ACTG2: variants seen among roughly 807,000 people sequenced by gnomAD.
ACTG2 encodes the protein actin gamma 2, smooth muscle, also known as actin, gamma-enteric smooth muscle.
ACTG2 carries 16 observed loss-of-function variants against 37.6 expected under a neutral mutation model. The ratio of observed to expected loss-of-function variants is 0.43; its 90% CI spans 0.29 to 0.65. The LOEUF (loss-of-function observed/expected upper bound fraction) is 0.65. Ranked by LOEUF, ACTG2 falls within the 30% of genes least tolerant of loss-of-function variation. The pLI, the probability that ACTG2 is intolerant of heterozygous loss-of-function variation, is 0.18. For missense variants in ACTG2, 238 were observed against 490.9 expected (o/e 0.48, Z 4.87); for synonymous variants, 181 against 179.9 (o/e 1.01, Z -0.05).
At chr2:73,917,456 C>T (rs911640127) in intron 8 of ACTG2, among the ~76,000 whole-genome samples, 3 of 152,210 alleles carry the variant, frequency 2.0e-5, no homozygotes, top group African/African-American at 4.8e-5. Flanking sequence ...CCCAACAGGG[C>T]CTCTCGCCTC....
At chr2:73,918,120 C>T (rs1336147047) in intron 8 of ACTG2, among the ~76,000 whole-genome samples, 1 of 152,164 alleles carries the variant, frequency 6.6e-6, no homozygotes, top group Non-Finnish European at 1.5e-5. Context: ...AGGGAAAGGA[C>T]ACTCTAAGCA....
chr2:73,895,688 C>T (rs1041437725), intron 1 of ACTG2, among the ~76,000 whole-genome samples: 1 of 152,180 alleles, frequency 6.6e-6, no homozygotes, highest in Non-Finnish European at 1.5e-5. Context: ...TTTCAATAGT[C>T]ATTGATGTGT....
intron 3 of ACTG2, among the ~76,000 whole-genome samples, chr2:73,903,984 G>A (rs564249186): frequency 1.4e-5 from 2 of 147,842 alleles, no homozygotes; most frequent in East Asian, 3.9e-4. Context: ...CATAATAGAG[G>A]CCAGTGGCTC....
chr2:73,906,671 T>C (rs1471167366), intron 3 of ACTG2, among the ~76,000 whole-genome samples: 1 of 151,840 alleles, frequency 6.6e-6, no homozygotes, highest in African/African-American at 2.4e-5. Context: ...AGAGACAGGG[T>C]CTCACTTTGT....
At chr2:73,915,519 C>CAAA (rs11404848) in intron 7 of ACTG2, among the ~76,000 whole-genome samples, 111 of 117,550 alleles carry the variant, frequency 9.4e-4, no homozygotes, top group Admixed American at 3.5e-3. Context: ...GATTCTGTCT[C>CAAA]AAAAAAAAAA....
intron 8 of ACTG2, among the ~76,000 whole-genome samples, chr2:73,917,328 A>G (rs1680291816): frequency 1.3e-5 from 2 of 152,222 alleles, no homozygotes; most frequent in Non-Finnish European, 2.9e-5. Context: ...AAAGTTCCAA[A>G]GAGTGGATGT....
At chr2:73,913,307 G>A (rs1331906127) in intron 5 of ACTG2, among the ~76,000 whole-genome samples, 178 bp from the exon 6 acceptor site, 1 of 152,096 alleles carries the variant, frequency 6.6e-6, no homozygotes, top group East Asian at 1.9e-4. Context: ...CTCACTGGGG[G>A]GAAAAAAGTG....
intron 1 of ACTG2, among the ~76,000 whole-genome samples, chr2:73,898,947 C>T (rs1679815994): frequency 1.3e-5 from 2 of 151,536 alleles, no homozygotes; most frequent in African/African-American, 2.4e-5. Context: ...GGACTACAGG[C>T]GCCCGCCACC....
At chr2:73,903,058 G>C (rs1573463502) in intron 3 of ACTG2, 1 of 252,000 alleles carries the variant, frequency 4.0e-6, no homozygotes, top group East Asian at 8.1e-5. Flanking sequence ...AAGTTTCTAA[G>C]TAGAACTCTC....
rs757504949 is a variant in ACTG2, at chr2:73,919,569, C to T, written c.1125C>T (p.Cys375=). The T allele has an allele frequency of 6.2e-6, 10 of 1,613,898 alleles. No individual in the cohort carries two copies. The highest frequency in any genetic ancestry group is 8.5e-6 in the Non-Finnish European group (10 of 1,179,926). ...EAGPSIVHRK[C]F The stretch of plus-strand genomic sequence containing the variant: ...GGCCCTCCATTGTCCACAGGAAGTG[C>T]TTCTAAAGTCAGAACAGGTTCTCCA... The change falls in exon 9 of 9, where the codon TGC becomes TGT. Residue 375 remains cysteine (C), a synonymous_variant. Transcript: ENST00000345517.
chr2:73,917,270 G>A (rs1680290042), intron 8 of ACTG2, among the ~76,000 whole-genome samples: 1 of 152,204 alleles, frequency 6.6e-6, no homozygotes, highest in Admixed American at 6.5e-5. Flanking sequence ...AGAAAAGAAG[G>A]AGGTCACACT....
In ACTG2 at chr2:73,914,758, C is replaced by A. The variant is rs768527884; in HGVS notation, c.692C>A (p.Ala231Glu). ...GATTTTGAGAATGAGATGGCCACAG[C>A]AGCTTCCTCTTCCTCCCTGGAGAAG... ...ALDFENEMAT[A>E]ASSSSLEKSY... The change falls in exon 7 of 9, where the codon GCA becomes GAA. Residue 231 changes from alanine (A) to glutamate (E), a missense_variant. Ala to Glu is a moderately radical substitution (Grantham distance 107). Coordinates refer to ENST00000345517, the MANE Select transcript of ACTG2 (RefSeq NM_001615.4). The A allele has an allele frequency of 1.9e-6, 3 of 1,612,734 alleles. No individual in the cohort carries two copies. The highest frequency in any genetic ancestry group is 2.5e-6 in the Non-Finnish European group (3 of 1,179,302).
At chr2:73,912,114 A>G (rs1441608248) in intron 5 of ACTG2, among the ~76,000 whole-genome samples, 1 of 152,210 alleles carries the variant, frequency 6.6e-6, no homozygotes, top group African/African-American at 2.4e-5. Flanking sequence ...GGAGAAATGC[A>G]TGGCATATAC....
chr2:73,910,060 C>G (rs1257602157), intron 5 of ACTG2, among the ~76,000 whole-genome samples: 1 of 151,852 alleles, frequency 6.6e-6, no homozygotes, highest in Non-Finnish European at 1.5e-5. Context: ...ACTAAAAATA[C>G]AAAAATTAGT....
chr2:73,907,883 A>G (rs541633810), intron 3 of ACTG2, among the ~76,000 whole-genome samples: 5 of 152,202 alleles, frequency 3.3e-5, no homozygotes, highest in Non-Finnish European at 7.4e-5. Flanking sequence ...CGATTGAGAA[A>G]CCCTGCTTTA....
intron 3 of ACTG2, among the ~76,000 whole-genome samples, chr2:73,908,080 A>T (rs922865086): frequency 6.6e-6 from 1 of 152,210 alleles, no homozygotes; most frequent in African/African-American, 2.4e-5. Flanking sequence ...AGGCAACTAC[A>T]AAGGGATGTC....
intron 7 of ACTG2, 27 bp from the exon 8 acceptor site, chr2:73,916,557 T>A (rs1221789676): frequency 1.9e-6 from 3 of 1,598,172 alleles, no homozygotes; most frequent in African/African-American, 2.7e-5. Context: ...GTGATGCCTG[T>A]TGACCAGACA....
At chr2:73,908,405 T>C in intron 3 of ACTG2, 1 of 553,020 alleles carries the variant, frequency 1.8e-6, no homozygotes, top group Non-Finnish European at 3.5e-6. Context: ...GGAGAGACTG[T>C]AGGAGAGTGA....
At chr2:73,898,216 C>G (rs1355891303) in intron 1 of ACTG2, among the ~76,000 whole-genome samples, 1 of 148,636 alleles carries the variant, frequency 6.7e-6, no homozygotes, top group Non-Finnish European at 1.5e-5. Context: ...GAAGGCACAT[C>G]TCAGGCTTGG....
Sources: gnomAD v4.1 joint callset for allele counts (sites outside exome capture counted in the v4.1 genomes callset) on GRCh38, gnomAD v4.1.1 for gene constraint, MANE v1.5 for transcripts, NCBI Gene and HGNC (gene_info 2026-07-23, HGNC 2026-07-21) for gene names.